The following UNC13B variants were observed in gnomAD, a reference collection of about 807,000 sequenced individuals.
UNC13B encodes the protein protein unc-13 homolog B.
A neutral mutation model predicts 211.0 loss-of-function variants in UNC13B; 144 were observed. The ratio of observed to expected loss-of-function variants is 0.68; its 90% CI spans 0.60 to 0.78. The LOEUF is 0.78. UNC13B is among the 30% of genes least tolerant of loss of function. The pLI is 0.00. For synonymous variants in UNC13B, 709 were observed against 725.8 expected (o/e 0.98, Z 0.37); for missense variants, 1,777 against 2,002.0 (o/e 0.89, Z 2.14).
intron 1 of UNC13B, among the ~76,000 whole-genome samples, chr9:35,198,868 A>G (rs2131368078): frequency 6.6e-6 from 1 of 152,224 alleles, no homozygotes. Flanking sequence ...TGTTTTTATT[A>G]TTATTATTAT....
rs188885145 is a variant in UNC13B at position 35,164,774 on chromosome 9, T to C, written c.22+2469T>C. On this transcript the variant is annotated intron_variant, in intron 1 of 39. Coordinates refer to ENST00000635942, the MANE Select transcript of UNC13B (RefSeq NM_001371189.2). ...TAAAATGTATTCTTACTTTCCCAGC[T>C]AACAGTCTACTTTTTTTGTTGTTGA... Among the ~76,000 whole-genome samples the C allele has an allele frequency of 1.8e-3, 277 of 152,370 alleles. 1 individual carries two copies. The highest frequency in any genetic ancestry group is 3.3e-3 in the Admixed American group (51 of 15,302).
rs1834849306 is a variant in UNC13B at position 35,381,688 on chromosome 9, T to C, written c.10624T>C (p.Tyr3542His). 3.1e-6 allele frequency: 5 copies of C among 1,614,204 alleles called. No individual in the cohort carries two copies. Among genetic ancestry groups the C allele is most frequent in the Non-Finnish European group, 4.2e-6 (5 of 1,180,026 alleles). ...QEIVDEFAMR[Y>H]GIESIYQAMT... is the part of the protein sequence containing the mutation. ...AATTGTGGATGAATTTGCCATGCGT[T>C]ATGGCATTGAGTCCATATATCAGGC... The change falls in exon 20 of 40, where the codon TAT becomes CAT. Residue 3542 changes from tyrosine to histidine, a missense_variant. Physicochemically the swap from Tyr to His is moderately conservative, Grantham distance 83 (BLOSUM62 2). Transcript: ENST00000635942.
intron 38 of UNC13B, 84 bp downstream of exon 38, chr9:35,403,343 C>T (rs1310496415): frequency 6.2e-7 from 1 of 1,601,790 alleles, no homozygotes; most frequent in Non-Finnish European, 8.5e-7. Flanking sequence ...TCATCCCAGC[C>T]CTCCAGCTCA....
intron 7 of UNC13B, among the ~76,000 whole-genome samples, chr9:35,290,095 G>A (rs1829016322): frequency 6.6e-6 from 1 of 152,168 alleles, no homozygotes; most frequent in African/African-American, 2.4e-5. Context: ...CAATTTGGGT[G>A]TGGGATAGGA....
At chr9:35,255,771 A>T (rs1826843952) in intron 6 of UNC13B, among the ~76,000 whole-genome samples, 1 of 152,072 alleles carries the variant, frequency 6.6e-6, no homozygotes, top group African/African-American at 2.4e-5. Context: ...CAATTTGGGG[A>T]GGTTCAGACT....
chr9:35,367,815 A>G (rs1833871527), intron 12 of UNC13B, among the ~76,000 whole-genome samples: 1 of 152,186 alleles, frequency 6.6e-6, no homozygotes, highest in Non-Finnish European at 1.5e-5. Context: ...TGCTCAGTGT[A>G]GCCTGTAACT....
chr9:35,336,140 A>G (rs983833838), intron 11 of UNC13B, among the ~76,000 whole-genome samples: 5 of 152,118 alleles, frequency 3.3e-5, no homozygotes, highest in African/African-American at 9.7e-5. Context: ...GATAAATCCC[A>G]AATTACTATC....
rs999061631 is a variant in UNC13B, at chr9:35,231,040, T to A, written c.53-80T>A. 25 of 890,530 alleles carry A rather than the reference T, an allele frequency of 2.8e-5. No individual in the cohort carries two copies. The African/African-American group carries it at 4.0e-4, about 14-fold the overall frequency. The allele number at this position is 890,530 out of a possible 1,614,324, so 55.2% of individuals were successfully genotyped here. On this transcript the variant is annotated intron_variant, in intron 2 of 39. Transcript: ENST00000635942. The stretch of plus-strand genomic sequence containing the variant: ...ACATGTAATACTTTAATTTCTATAT[T>A]GCTTAATTCCAAGGGCTTTGTGAGA...
chr9:35,396,964 G>A (rs1564196746), intron 28 of UNC13B, 27 bp downstream of exon 28: 1 of 1,613,442 alleles, frequency 6.2e-7, no homozygotes, highest in Non-Finnish European at 8.5e-7. Context: ...GGCTGCACCG[G>A]GTTCAGGCCA....
At chr9:35,224,174 A>G (rs926085488) in intron 1 of UNC13B, among the ~76,000 whole-genome samples, 1 of 152,032 alleles carries the variant, frequency 6.6e-6, no homozygotes, top group African/African-American at 2.4e-5. Context: ...TGTTGTTTCT[A>G]TTTCTCTGAT....
At chr9:35,398,759 C>T in intron 32 of UNC13B, 117 bp downstream of exon 32, 1 of 1,561,160 alleles carries the variant, frequency 6.4e-7, no homozygotes, top group Non-Finnish European at 8.7e-7. Context: ...CCCTGTACTC[C>T]TGCTGACTGT....
intron 13 of UNC13B, 103 bp downstream of exon 13, chr9:35,370,499 A>C: frequency 9.5e-7 from 1 of 1,051,896 alleles, no homozygotes; most frequent in Non-Finnish European, 1.4e-6. Flanking sequence ...TAATGACTCA[A>C]ATTGATCTGA....
chr9:35,396,426 C>T (rs200036504), intron 26 of UNC13B, 50 bp from the exon 27 acceptor site: 2 of 1,610,594 alleles, frequency 1.2e-6, no homozygotes. Flanking sequence ...GGCTCAGGAA[C>T]CATGGCCTCT....
In UNC13B at chr9:35,162,316, G is replaced by T; in HGVS notation, c.22+11G>T. The T allele has an allele frequency of 6.5e-7, 1 of 1,539,874 alleles. No homozygotes were observed. The highest frequency in any genetic ancestry group is 8.7e-7 in the Non-Finnish European group (1 of 1,147,266). On this transcript the variant is annotated intron_variant, in intron 1 of 39. Coordinates refer to ENST00000635942, the MANE Select transcript of UNC13B (RefSeq NM_001371189.2). ...TGCTCTGCGTGCGCGGTGAGTGCGC[G>T]GACTGAGGCGGGGAGGCGGGGTGTC...
At chr9:35,226,870 A>G (rs1824874705) in intron 1 of UNC13B, among the ~76,000 whole-genome samples, 1 of 152,324 alleles carries the variant, frequency 6.6e-6, no homozygotes, top group South Asian at 2.1e-4. Flanking sequence ...AATACTTTGC[A>G]TCCTTCACAT....
At chr9:35,291,962 G>A (rs1447428144) in intron 7 of UNC13B, among the ~76,000 whole-genome samples, 4 of 152,180 alleles carry the variant, frequency 2.6e-5, no homozygotes, top group African/African-American at 9.7e-5. Context: ...CTCTAAGCAT[G>A]TGGGAGTTAT....
At chr9:35,332,986 G>C (rs1442094695) in intron 11 of UNC13B, among the ~76,000 whole-genome samples, 1 of 152,126 alleles carries the variant, frequency 6.6e-6, no homozygotes, top group Non-Finnish European at 1.5e-5. Context: ...ATTACCTTTG[G>C]GGGATGGAAT....
chr9:35,255,296 A>G (rs539718972), intron 6 of UNC13B, among the ~76,000 whole-genome samples: 21 of 150,956 alleles, frequency 1.4e-4, no homozygotes, highest in African/African-American at 4.9e-4. Context: ...TATTGAGCAG[A>G]TATTTATCCC....
chr9:35,376,766 C>T (rs942229039), intron 15 of UNC13B, among the ~76,000 whole-genome samples: 10 of 152,252 alleles, frequency 6.6e-5, no homozygotes, highest in African/African-American at 2.2e-4. Flanking sequence ...GGAGAGTATA[C>T]CAGACCCCCA....
Sources: allele counts gnomAD v4.1 joint callset (sites outside exome capture counted in the v4.1 genomes callset), GRCh38; gene constraint gnomAD v4.1.1; transcripts MANE v1.5; gene names NCBI Gene and HGNC (gene_info 2026-07-23, HGNC 2026-07-21).